The following DAB1 variants were observed in gnomAD, a reference collection of about 807,000 sequenced individuals.
The protein encoded by DAB1 is disabled homolog 1.
A neutral mutation model predicts 64.6 loss-of-function variants in DAB1; 15 were observed. The ratio of observed to expected loss-of-function variants is 0.23; its 90% CI spans 0.16 to 0.36. The LOEUF is 0.36. Among genes scored for constraint, DAB1 ranks in the 10% least tolerant of loss-of-function variants. DAB1 has a pLI of 1.00. For missense variants in DAB1, 596 were observed against 706.7 expected, an observed-to-expected ratio of 0.84 and a Z score of 1.78; for synonymous variants, 235 against 251.9, an observed-to-expected ratio of 0.93 and a Z score of 0.64.
chr1:57,548,039 C>G (rs1190541211), intron 7 of DAB1, among the ~76,000 whole-genome samples: 3 of 152,100 alleles, frequency 2.0e-5, no homozygotes, highest in Non-Finnish European at 4.4e-5. Flanking sequence ...GCAAAATTAT[C>G]TCCTTCTTCT....
intron 7 of DAB1, among the ~76,000 whole-genome samples, chr1:57,508,446 A>G (rs1027017311): frequency 6.6e-6 from 1 of 152,226 alleles, no homozygotes; most frequent in African/African-American, 2.4e-5. Flanking sequence ...TTTGATCACT[A>G]CCAAGATAAT....
At chr1:58,379,551 C>T (rs947669271) in intron 3 of DAB1, among the ~76,000 whole-genome samples, 1 of 152,186 alleles carries the variant, frequency 6.6e-6, no homozygotes, top group Non-Finnish European at 1.5e-5. Context: ...CTAATAACTA[C>T]CTATTATGAC....
At chr1:58,537,750 C>G (rs1224867206) in intron 1 of DAB1, among the ~76,000 whole-genome samples, 1 of 152,096 alleles carries the variant, frequency 6.6e-6, no homozygotes, top group African/African-American at 2.4e-5. Context: ...CAAAGTGTGT[C>G]CATTTAAAGG....
intron 6 of DAB1, among the ~76,000 whole-genome samples, chr1:57,697,911 G>C (rs963892104): frequency 1.3e-5 from 2 of 152,098 alleles, no homozygotes; most frequent in African/African-American, 4.8e-5. Flanking sequence ...ATTCAAAGCT[G>C]GTAGATTTCT....
At chr1:58,216,891 T>C (rs914577258) in intron 4 of DAB1, among the ~76,000 whole-genome samples, 8 of 152,214 alleles carry the variant, frequency 5.3e-5, no homozygotes, top group Admixed American at 1.3e-4. Flanking sequence ...TTTGAATGTC[T>C]GATTCAGGGA....
chr1:57,200,017 G>A (rs959964816), intron 2 of DAB1, among the ~76,000 whole-genome samples: 5 of 152,174 alleles, frequency 3.3e-5, no homozygotes, highest in Non-Finnish European at 5.9e-5. Context: ...CATGGCCTCA[G>A]AGAACTAGGT....
chr1:57,297,919 G>A (rs1003486927), intron 1 of DAB1, among the ~76,000 whole-genome samples: 3 of 152,078 alleles, frequency 2.0e-5, no homozygotes, highest in African/African-American at 7.2e-5. Flanking sequence ...AGAAGTCTAT[G>A]GACCAAATTT....
intron 4 of DAB1, among the ~76,000 whole-genome samples, chr1:58,335,891 T>C (rs1237207): frequency 0.22 from 33,214 of 152,086 alleles, 3,761 homozygotes; most frequent in Middle Eastern, 0.32. Context: ...TATCAAGGGT[T>C]CTGTTTTGGC....
At chr1:58,542,552 C>G (rs577251321) in intron 1 of DAB1, 1 of 151,790 alleles carries the variant, frequency 6.6e-6, no homozygotes, top group South Asian at 2.1e-4. Context: ...ATTTTTCATG[C>G]CATTTAGGCA....
chr1:58,200,252 C>T (rs928439086), intron 4 of DAB1, among the ~76,000 whole-genome samples: 3 of 152,122 alleles, frequency 2.0e-5, no homozygotes, highest in African/African-American at 7.2e-5. Context: ...ACTTAAGGAA[C>T]ACCAAGTCCA....
intron 4 of DAB1, among the ~76,000 whole-genome samples, chr1:58,197,449 G>T (rs1657745052): frequency 6.6e-6 from 1 of 150,412 alleles, no homozygotes; most frequent in African/African-American, 2.4e-5. Context: ...CACCAGACTG[G>T]AGTCCAGTGG....
intron 6 of DAB1, among the ~76,000 whole-genome samples, chr1:57,783,622 T>C (rs1195031272): frequency 6.6e-6 from 1 of 152,220 alleles, no homozygotes; most frequent in Non-Finnish European, 1.5e-5. Context: ...AAATTGAAGG[T>C]TTGTGGAAAC....
chr1:57,088,184 C>T (rs1653286649), intron 4 of DAB1, among the ~76,000 whole-genome samples: 1 of 152,206 alleles, frequency 6.6e-6, no homozygotes, highest in Non-Finnish European at 1.5e-5. Flanking sequence ...GATTCTCATG[C>T]CTCAGCCTCC....
chr1:58,070,796 G>A (rs564671324), intron 5 of DAB1, among the ~76,000 whole-genome samples: 1 of 152,308 alleles, frequency 6.6e-6, no homozygotes, highest in African/African-American at 2.4e-5. Flanking sequence ...GTCACAGTCA[G>A]GCTGGAACAT....
chr1:57,476,104 T>A (rs1212244331), intron 7 of DAB1, among the ~76,000 whole-genome samples: 10 of 151,908 alleles, frequency 6.6e-5, no homozygotes, highest in Non-Finnish European at 1.2e-4. Flanking sequence ...CGCACGCCTG[T>A]AGTCCCAGCT....
chr1:57,524,476 G>A (rs189044354), intron 7 of DAB1, among the ~76,000 whole-genome samples: 1 of 152,256 alleles, frequency 6.6e-6, no homozygotes, highest in Admixed American at 6.5e-5. Context: ...GGTGCAGGTG[G>A]GCTGAGTCCG....
intron 3 of DAB1, among the ~76,000 whole-genome samples, chr1:58,383,546 C>A (rs1247218436): frequency 6.6e-6 from 1 of 152,188 alleles, no homozygotes; most frequent in African/African-American, 2.4e-5. Context: ...ATAGTAGCTA[C>A]CACATACGGT....
intron 5 of DAB1, among the ~76,000 whole-genome samples, chr1:58,113,878 T>C (rs1652142179): frequency 6.6e-6 from 1 of 151,656 alleles, no homozygotes; most frequent in South Asian, 2.1e-4. Context: ...GCATTATAAC[T>C]GTTCTTGATG....
At chr1:58,063,582 C>T (rs1043127435) in intron 5 of DAB1, among the ~76,000 whole-genome samples, 4 of 152,118 alleles carry the variant, frequency 2.6e-5, no homozygotes, top group Non-Finnish European at 5.9e-5. Context: ...CTATCAAGCC[C>T]CTTGCAAGCT....
Sources: allele counts gnomAD v4.1 joint callset (sites outside exome capture counted in the v4.1 genomes callset), GRCh38; gene constraint gnomAD v4.1.1; transcripts MANE v1.5; gene names NCBI Gene and HGNC (gene_info 2026-07-23, HGNC 2026-07-21).